Variants in HYDIN observed in about 807,000 individuals in gnomAD.
HYDIN encodes the protein HYDIN axonemal central pair apparatus protein, also known as axonemal central pair apparatus protein HYDIN.
In HYDIN, 132 loss-of-function variants were observed where a neutral mutation model predicts 403.9. The ratio of observed to expected loss-of-function variants is 0.33; its 90% confidence interval spans 0.28 to 0.38. The LOEUF (loss-of-function observed/expected upper bound fraction) is 0.38, where lower values mean the gene tolerates loss of function less well. HYDIN is among the 10% of genes least tolerant of loss of function. The pLI, the probability that HYDIN is intolerant of heterozygous loss-of-function variation, is 1.00. For missense variants in HYDIN, 2,827 were observed against 5,009.5 expected, an observed-to-expected ratio of 0.56 and a Z score of 13.15; for synonymous variants, 1,202 against 1,891.7, an observed-to-expected ratio of 0.64 and a Z score of 9.46.
intron 68 of HYDIN, 87 bp downstream of exon 68, chr16:70,862,998 C>T: frequency 4.9e-6 from 4 of 817,362 alleles, no homozygotes; most frequent in Non-Finnish European, 6.0e-6. Flanking sequence ...AGGAGACCCT[C>T]TGAGCAGTGC....
chr16:70,905,686 A>C (rs1626240), intron 50 of HYDIN, among the ~76,000 whole-genome samples: 3 of 150,310 alleles, frequency 2.0e-5, no homozygotes, highest in African/African-American at 7.5e-5. Flanking sequence ...TGAATAATAC[A>C]CAGTTGTACT....
chr16:71,073,318 G>C (rs534254196), intron 13 of HYDIN, among the ~76,000 whole-genome samples: 2 of 152,154 alleles, frequency 1.3e-5, no homozygotes, highest in South Asian at 2.1e-4. Context: ...CTCCCTTACT[G>C]TTATTGACAA....
At chr16:70,904,649 T>C (rs1233079540) in intron 50 of HYDIN, among the ~76,000 whole-genome samples, 4 of 140,898 alleles carry the variant, frequency 2.8e-5, no homozygotes, top group African/African-American at 1.0e-4. Context: ...TACAGGTGCA[T>C]GCCACCACAC....
chr16:71,149,251 A>C (rs2144568286), intron 7 of HYDIN, among the ~76,000 whole-genome samples: 1 of 152,136 alleles, frequency 6.6e-6, no homozygotes, highest in South Asian at 2.1e-4. Context: ...ACCGAGTAGA[A>C]TGGCTAAAAT....
rs764100406 is a variant in HYDIN at position 70,868,684 on chromosome 16, C to T, written c.11196G>A (p.Arg3732=). The T allele has an allele frequency of 6.2e-7, 1 of 1,614,176 alleles. No homozygotes were observed. Among genetic ancestry groups the T allele is most frequent in the Middle Eastern group, 1.7e-4 (1 of 6,060 alleles). Residue 3732 remains arginine, a synonymous_variant, in exon 66 of 86, where the codon AGG becomes AGA. Coordinates refer to ENST00000393567, the MANE Select transcript of HYDIN (RefSeq NM_001270974.2). ...KNMRIRCKLS[R]IMFQLPADQV... is the part of the protein sequence containing the mutation. The stretch of plus-strand genomic sequence containing the variant: ...GGTCTGCAGGGAGCTGAAACATAAT[C>T]CTGGAGAGCTTGCACCTGATCCGCA...
intron 40 of HYDIN, among the ~76,000 whole-genome samples, chr16:70,954,575 A>G (rs1280763173): frequency 2.6e-5 from 4 of 151,980 alleles, no homozygotes; most frequent in Admixed American, 2.0e-4. Flanking sequence ...TAGGTACATG[A>G]CATCGCTCTC....
intron 36 of HYDIN, among the ~76,000 whole-genome samples, chr16:70,966,762 T>C (rs2078589168): frequency 1.3e-5 from 2 of 152,214 alleles, no homozygotes; most frequent in African/African-American, 2.4e-5. Context: ...GAGAATGTCA[T>C]TCCCATGATC....
chr16:70,895,720 G>A (rs115433352), intron 54 of HYDIN, among the ~76,000 whole-genome samples: 6,150 of 151,670 alleles, frequency 0.041, 439 homozygotes, highest in African/African-American at 0.14. Context: ...AAGAGGAGAG[G>A]TGTTTACTGT....
intron 1 of HYDIN, among the ~76,000 whole-genome samples, chr16:71,193,727 G>A (rs1250742995): frequency 6.6e-6 from 1 of 152,122 alleles, no homozygotes; most frequent in Non-Finnish European, 1.5e-5. Flanking sequence ...AGATGCTGCA[G>A]GGACGTGTAC....
intron 10 of HYDIN, among the ~76,000 whole-genome samples, chr16:71,102,849 A>G (rs1466541019): frequency 2.8e-5 from 4 of 141,832 alleles, no homozygotes; most frequent in Non-Finnish European, 3.0e-5. Flanking sequence ...TACTTATTTT[A>G]TTGTTTGTAT....
chr16:70,970,522 T>G lies in HYDIN; in HGVS notation c.5617A>C (p.Lys1873Gln). 1 of 1,591,100 alleles carries G rather than the reference T, an allele frequency of 6.3e-7. No individual in the cohort carries two copies. The highest frequency in any genetic ancestry group is 8.6e-7 in the Non-Finnish European group (1 of 1,164,550). Residue 1873 changes from lysine to glutamine, a missense_variant and splice_region_variant, in exon 36 of 86, where the codon AAG (lysine) becomes CAG (glutamine). Physicochemically the swap from Lys to Gln is moderately conservative, Grantham distance 53. Transcript: ENST00000393567. The stretch of plus-strand genomic sequence containing the variant: ...AGTTTGGTTTGACCTCTGCTCACCT[T>G]TTCTTCTATGAGATACTGCTGATCA... ...EFDQQYLIEEKILRKLKGYDS... is the reference protein window; with the variant it reads ...EFDQQYLIEEQILRKLKGYDS...
rs1451098318 is a variant in HYDIN, at chr16:70,926,035, T to C, written c.7159-4818A>G. Among the ~76,000 whole-genome samples the C allele has an allele frequency of 4.0e-5, 6 of 151,020 alleles. No individual in the cohort carries two copies. In the South Asian group the frequency reaches 6.4e-4, roughly 16 times the overall value. ...GTGGGACTGTAAACTAGTTCAACCA[T>C]TGTGGAAGTCGGTGTGGCGATTCCT... On this transcript the variant is annotated intron_variant, in intron 45 of 85. Transcript: ENST00000393567.
chr16:71,110,425 AATT>A (rs2083777523), intron 10 of HYDIN, among the ~76,000 whole-genome samples: 1 of 139,438 alleles, frequency 7.2e-6, no homozygotes, highest in Non-Finnish European at 1.5e-5. Context: ...ATTTATATAT[AATT>A]ATAAATATAT....
intron 75 of HYDIN, among the ~76,000 whole-genome samples, chr16:70,848,331 C>G (rs1755492964): frequency 6.6e-6 from 1 of 151,954 alleles, no homozygotes; most frequent in Non-Finnish European, 1.5e-5. Context: ...TCTGGGCTCC[C>G]TCAGAGACAA....
In HYDIN at chr16:70,938,763, G is replaced by A; in HGVS notation, c.6854-8C>T. The A allele has an allele frequency of 6.2e-7, 1 of 1,613,858 alleles. No homozygotes were observed. The highest frequency in any genetic ancestry group is 1.1e-5 in the South Asian group (1 of 91,054). ...CTCCCTTGTGCTTGCGTTCTGTGAG[G>A]GGAACAGAGACGGGAAGGTGAGGAA... On this transcript the variant is annotated splice_polypyrimidine_tract_variant and splice_region_variant and intron_variant, in intron 43 of 85. Coordinates refer to ENST00000393567, the MANE Select transcript of HYDIN (RefSeq NM_001270974.2).
intron 27 of HYDIN, among the ~76,000 whole-genome samples, chr16:70,986,366 T>G (rs932688134): frequency 6.6e-6 from 1 of 152,070 alleles, no homozygotes; most frequent in Admixed American, 6.5e-5. Flanking sequence ...GAGGTCTGAC[T>G]GCTTCAAAGA....
rs753674638 is a variant in HYDIN, at chr16:71,175,621, G to A, written c.502C>T (p.Pro168Ser). 4 of 1,614,014 alleles carry A rather than the reference G, an allele frequency of 2.5e-6. No individual in the cohort carries two copies. Among genetic ancestry groups the A allele is most frequent in the South Asian group, 2.2e-5 (2 of 91,070 alleles). ...CCTGGTATTACCTTGTTCTCCTCTGGAGTAAAGAGGATTCGGAATATGGAA... is the reference window on the plus strand; with the variant it reads ...CCTGGTATTACCTTGTTCTCCTCTGAAGTAAAGAGGATTCGGAATATGGAA... ...VPSIFRILFT[P>S]EENKDYAHTL... Residue 168 changes from proline to serine, a missense_variant, in exon 5 of 86, where the codon CCA (proline) becomes TCA (serine). Coordinates refer to ENST00000393567, the MANE Select transcript of HYDIN (RefSeq NM_001270974.2).
chr16:71,003,655 T>C (rs1163904480), intron 23 of HYDIN, among the ~76,000 whole-genome samples: 1 of 151,696 alleles, frequency 6.6e-6, no homozygotes, highest in East Asian at 2.0e-4. Context: ...CAAAATTAGC[T>C]GGGCGTGGTG....
chr16:70,945,717 G>A (rs540344346), intron 41 of HYDIN, among the ~76,000 whole-genome samples: 8 of 152,314 alleles, frequency 5.3e-5, no homozygotes, highest in African/African-American at 7.2e-5. Flanking sequence ...AAAGCCACAC[G>A]AAGAAAGCGT....
Sources: allele counts gnomAD v4.1 joint callset (sites outside exome capture counted in the v4.1 genomes callset), GRCh38; gene constraint gnomAD v4.1.1; transcripts MANE v1.5; gene names NCBI Gene and HGNC (gene_info 2026-07-23, HGNC 2026-07-21).